Variants in TAS2R1 observed in about 807,000 individuals in gnomAD.
The protein encoded by TAS2R1 is taste receptor type 2 member 1.
For missense variants in TAS2R1, 370 were observed against 353.4 expected (o/e 1.05, Z -0.38); for synonymous variants, 141 against 134.2 (o/e 1.05, Z -0.35).
chr5:9,655,708 A>AT (rs761310110), intron 2 of TAS2R1, among the ~76,000 whole-genome samples: 5 of 152,160 alleles, frequency 3.3e-5, no homozygotes, highest in Non-Finnish European at 7.4e-5. Context: ...CAGGCAAAAT[A>AT]TAGGAATAAA....
chr5:9,771,154 A>T, the TAS2R1 span, among the ~76,000 whole-genome samples: 1 of 152,170 alleles, frequency 6.6e-6, no homozygotes, highest in Non-Finnish European at 1.5e-5. Flanking sequence ...TGAAATGATC[A>T]CATGGTTTTT....
intron 1 of TAS2R1, among the ~76,000 whole-genome samples, chr5:9,693,104 T>G (rs1741282094): frequency 6.6e-6 from 1 of 152,192 alleles, no homozygotes; most frequent in Admixed American, 6.5e-5. Flanking sequence ...CCACAGAGAT[T>G]GACAGGTGCA....
the TAS2R1 span, among the ~76,000 whole-genome samples, chr5:9,865,905 C>T: frequency 6.6e-6 from 1 of 152,222 alleles, no homozygotes; most frequent in Non-Finnish European, 1.5e-5. Context: ...CCTGCTGAGG[C>T]TCATAGGCCA....
At chr5:9,886,092 C>T in the TAS2R1 span, among the ~76,000 whole-genome samples, 1 of 148,780 alleles carries the variant, frequency 6.7e-6, no homozygotes, top group Non-Finnish European at 1.5e-5. Flanking sequence ...AGTGCAGTGG[C>T]ACGATCTTGG....
chr5:9,766,061 A>C, the TAS2R1 span, among the ~76,000 whole-genome samples: 1,204 of 152,288 alleles, frequency 7.9e-3, 12 homozygotes, highest in African/African-American at 0.028. Context: ...TTTATTCTTC[A>C]TTATCTCCAA....
chr5:9,700,432 G>T (rs547746146), intron 1 of TAS2R1, among the ~76,000 whole-genome samples: 1 of 152,202 alleles, frequency 6.6e-6, no homozygotes, highest in East Asian at 1.9e-4. Flanking sequence ...TACCCTGGAG[G>T]TGCCCTTCAC....
At chr5:9,741,261 A>C in the TAS2R1 span, among the ~76,000 whole-genome samples, 1 of 152,174 alleles carries the variant, frequency 6.6e-6, no homozygotes, top group Non-Finnish European at 1.5e-5. Context: ...GAGATCCGCT[A>C]TTTAATCCTC....
the TAS2R1 span, among the ~76,000 whole-genome samples, chr5:9,848,818 G>T: frequency 6.6e-6 from 1 of 152,064 alleles, no homozygotes; most frequent in Non-Finnish European, 1.5e-5. Context: ...TCACAGCTAG[G>T]TCAGCTCTAC....
chr5:9,761,657 C>T, the TAS2R1 span, among the ~76,000 whole-genome samples: 1 of 152,190 alleles, frequency 6.6e-6, no homozygotes, highest in Non-Finnish European at 1.5e-5. Context: ...CTTTGAATGC[C>T]TTTGCTCAGT....
intron 1 of TAS2R1, among the ~76,000 whole-genome samples, chr5:9,672,231 AC>A (rs1740780865): frequency 6.6e-6 from 1 of 152,170 alleles, no homozygotes; most frequent in Admixed American, 6.5e-5. Context: ...ATAGGCCCTG[AC>A]AAAGGTTTCA....
At chr5:9,769,660 T>A in the TAS2R1 span, among the ~76,000 whole-genome samples, 1 of 152,200 alleles carries the variant, frequency 6.6e-6, no homozygotes, top group Non-Finnish European at 1.5e-5. Flanking sequence ...TCTCTGATGG[T>A]CAGCGATGTT....
the TAS2R1 span, among the ~76,000 whole-genome samples, chr5:9,853,046 T>G: frequency 6.6e-6 from 1 of 152,126 alleles, no homozygotes; most frequent in African/African-American, 2.4e-5. Flanking sequence ...GGAGGTAGGA[T>G]ATGCAGGACA....
intron 1 of TAS2R1, among the ~76,000 whole-genome samples, chr5:9,708,433 TA>T (rs1433592253): frequency 6.6e-6 from 1 of 152,162 alleles, no homozygotes. Context: ...GAAATACATA[TA>T]AAGGGAGTAA....
chr5:9,629,377 C>A lies in TAS2R1; in HGVS notation c.656G>T (p.Gly219Val), dbSNP rs1430097114. The A allele has an allele frequency of 6.2e-7, 1 of 1,614,040 alleles. No individual in the cohort carries two copies. Residue 219 changes from glycine (G) to valine (V), a missense_variant, in exon 1 of 1, where the codon GGC (glycine) becomes GTC (valine). Coordinates refer to ENST00000382492, the MANE Select transcript of TAS2R1 (RefSeq NM_019599.3). ...RNTVAGSRVP[G>V]RGAPISALLS... is the part of the protein sequence containing the mutation. ...CAACGCGCTGATGGGTGCACCCCTG[C>A]CAGGAACCCTGCTGCCGGCCACTGT...
At chr5:9,641,387 A>G (rs1740082102) in intron 2 of TAS2R1, 1 of 152,192 alleles carries the variant, frequency 6.6e-6, no homozygotes, top group African/African-American at 2.4e-5. Flanking sequence ...AAAAATTCAT[A>G]AGGCTTGTGC....
At chr5:9,761,708 A>T in the TAS2R1 span, among the ~76,000 whole-genome samples, 2 of 152,180 alleles carry the variant, frequency 1.3e-5, no homozygotes, top group South Asian at 4.1e-4. Flanking sequence ...CTCTCTGCCG[A>T]TGTGTGAGTG....
chr5:9,657,656 C>T (rs551432655), intron 2 of TAS2R1, among the ~76,000 whole-genome samples: 12 of 152,084 alleles, frequency 7.9e-5, no homozygotes, highest in South Asian at 6.2e-4. Context: ...TGAAGACAGA[C>T]GCTGTATTAT....
At chr5:9,874,352 A>G in the TAS2R1 span, among the ~76,000 whole-genome samples, 1 of 152,176 alleles carries the variant, frequency 6.6e-6, no homozygotes, top group Non-Finnish European at 1.5e-5. Flanking sequence ...TTTGCTTTCA[A>G]TGTCCTATAT....
At chr5:9,825,864 C>G in the TAS2R1 span, among the ~76,000 whole-genome samples, 1 of 152,120 alleles carries the variant, frequency 6.6e-6, no homozygotes, top group Non-Finnish European at 1.5e-5. Flanking sequence ...TCCTTGCTTT[C>G]TGGCACAACA....
Sources: gnomAD v4.1 joint callset for allele counts (sites outside exome capture counted in the v4.1 genomes callset) on GRCh38, gnomAD v4.1.1 for gene constraint, MANE v1.5 for transcripts, NCBI Gene and HGNC (gene_info 2026-07-23, HGNC 2026-07-21) for gene names.